IL1RAPL1: variants seen among roughly 807,000 people sequenced by gnomAD.
IL1RAPL1 encodes interleukin-1 receptor accessory protein-like 1.
A neutral mutation model predicts 48.4 loss-of-function variants in IL1RAPL1; 3 were observed. The ratio of observed to expected loss-of-function variants is 0.06; its 90% confidence interval spans 0.03 to 0.16. The LOEUF (loss-of-function observed/expected upper bound fraction) is 0.16. IL1RAPL1 is among the 10% of genes least tolerant of loss of function. The pLI is 1.00. For missense variants in IL1RAPL1, 349 were observed against 530.6 expected (o/e 0.66, Z 3.36); for synonymous variants, 185 against 187.7 (o/e 0.99, Z 0.12).
In IL1RAPL1 at chrX:29,617,990, G is replaced by A. The variant is rs551660415; in HGVS notation, c.704-50440G>A. On this transcript the variant is annotated intron_variant, in intron 5 of 10. Coordinates refer to ENST00000378993, the MANE Select transcript of IL1RAPL1 (RefSeq NM_014271.4). ...ACATAAAGATCCAATCTTTCTACCCGGAGCCTAGGAAGAGGCCTTCTTTTC... is the reference window on the plus strand; with the variant it reads ...ACATAAAGATCCAATCTTTCTACCCAGAGCCTAGGAAGAGGCCTTCTTTTC... Among the ~76,000 whole-genome samples the A allele has an allele frequency of 1.2e-4, 13 of 111,578 alleles. No homozygotes were observed. In the Middle Eastern group the frequency reaches 0.019, roughly 159 times the overall value.
rs1193461383 is a variant in IL1RAPL1, at chrX:29,802,775, ATATATATGTG to A, written c.779-114687_779-114678del. ...TATATATATATATATATATATATAT[ATATATATGTG>A]TGTGTGTATATATATATATATATAT... is the stretch of plus-strand genomic sequence containing the variant. On this transcript the variant is annotated intron_variant, in intron 6 of 10. Coordinates refer to ENST00000378993, the MANE Select transcript of IL1RAPL1 (RefSeq NM_014271.4). 2.6e-4 allele frequency among the ~76,000 whole-genome samples: 8 copies of A among 30,664 alleles called. 1 individual carries two copies. The highest frequency in any genetic ancestry group is 1.3e-3 in the African/African-American group (7 of 5,241). 26.6% of individuals were successfully genotyped at this position (30,664 alleles called of 115,157 possible).
At chrX:29,779,395 AT>A (rs1251293354) in intron 6 of IL1RAPL1, among the ~76,000 whole-genome samples, 1 of 111,363 alleles carries the variant, frequency 9.0e-6, no homozygotes, top group Non-Finnish European at 1.9e-5. Context: ...TTTAAAAGAG[AT>A]CATGCACATG....
intron 2 of IL1RAPL1, among the ~76,000 whole-genome samples, chrX:29,207,831 T>C (rs189939287): frequency 6.7e-4 from 75 of 112,280 alleles, no homozygotes; most frequent in African/African-American, 2.2e-3. Context: ...AAGACGTTAA[T>C]ATCAAAGCAA....
intron 2 of IL1RAPL1, among the ~76,000 whole-genome samples, chrX:28,982,149 T>G (rs979676949): frequency 1.8e-5 from 2 of 112,154 alleles, no homozygotes; most frequent in Non-Finnish European, 3.8e-5. Context: ...CTCTTTCAGT[T>G]TCATTGTTCT....
intron 2 of IL1RAPL1, among the ~76,000 whole-genome samples, chrX:29,154,307 AG>A (rs1929524683): frequency 9.0e-6 from 1 of 111,502 alleles, no homozygotes; most frequent in Non-Finnish European, 1.9e-5. Context: ...TGGGAGGCCG[AG>A]GCGGGTGGAT....
intron 5 of IL1RAPL1, among the ~76,000 whole-genome samples, chrX:29,618,773 G>C (rs1380309363): frequency 8.9e-6 from 1 of 111,736 alleles, no homozygotes; most frequent in Non-Finnish European, 1.9e-5. Flanking sequence ...ACAAATTCCA[G>C]GGATTAGGAT....
intron 2 of IL1RAPL1, among the ~76,000 whole-genome samples, chrX:28,959,201 A>T (rs199504291): frequency 9.7e-6 from 1 of 103,151 alleles, no homozygotes; most frequent in Non-Finnish European, 2.0e-5. Context: ...CATATTTCTT[A>T]TTTAAAATAA....
intron 3 of IL1RAPL1, among the ~76,000 whole-genome samples, chrX:29,392,990 C>A (rs1266355806): frequency 8.9e-6 from 1 of 112,035 alleles, no homozygotes; most frequent in African/African-American, 3.2e-5. Flanking sequence ...ATAATAAGAT[C>A]TAACGCTTAC....
chrX:28,828,553 A>G (rs1013266996), intron 2 of IL1RAPL1, among the ~76,000 whole-genome samples: 2 of 111,557 alleles, frequency 1.8e-5, no homozygotes, highest in African/African-American at 6.5e-5. Context: ...GTTGACTGGG[A>G]TTTCTATTAC....
At chrX:28,860,956 C>T (rs960618621) in intron 2 of IL1RAPL1, among the ~76,000 whole-genome samples, 1 of 110,931 alleles carries the variant, frequency 9.0e-6, no homozygotes, top group South Asian at 3.8e-4. Context: ...GTGTAAAAGA[C>T]TATCATATAA....
At chrX:28,833,778 T>C (rs767778118) in intron 2 of IL1RAPL1, among the ~76,000 whole-genome samples, 1 of 111,950 alleles carries the variant, frequency 8.9e-6, no homozygotes, top group South Asian at 3.7e-4. Context: ...TAAAAAGCAA[T>C]TGGGCCTTTT....
At chrX:29,672,958 T>A (rs1329391798) in intron 6 of IL1RAPL1, among the ~76,000 whole-genome samples, 1 of 112,135 alleles carries the variant, frequency 8.9e-6, no homozygotes, top group Non-Finnish European at 1.9e-5. Flanking sequence ...TTTTTAAACA[T>A]AGATCTTAGT....
In IL1RAPL1 at chrX:29,900,725, G is replaced by T. The variant is rs768919575; in HGVS notation, c.779-16739G>T. On this transcript the variant is annotated intron_variant, in intron 6 of 10. Coordinates refer to ENST00000378993, the MANE Select transcript of IL1RAPL1 (RefSeq NM_014271.4). Reference sequence around the variant, plus strand: ...CTTTGAACATGAGTATTGTGGGAAAGTATTAGGGGATTAGCAGGAGATAAA... The same window carrying T: ...CTTTGAACATGAGTATTGTGGGAAATTATTAGGGGATTAGCAGGAGATAAA... Among the ~76,000 whole-genome samples the T allele has an allele frequency of 6.3e-5, 7 of 111,722 alleles. No homozygotes were observed. The South Asian group carries it at 2.6e-3, about 42-fold the overall frequency.
rs192818419 is a variant in IL1RAPL1, at chrX:29,890,377, C to T, written c.779-27087C>T. Among the ~76,000 whole-genome samples the T allele has an allele frequency of 1.3e-4, 14 of 111,970 alleles. No individual in the cohort carries two copies. In the East Asian group the frequency reaches 3.3e-3, roughly 27 times the overall value. On this transcript the variant is annotated intron_variant, in intron 6 of 10. Transcript: ENST00000378993. ...GCCTAATCCCTCTCCTTTCTAATTACTCCCTAATTGTTTCTTAACCATGTG... is the reference window on the plus strand; with the variant it reads ...GCCTAATCCCTCTCCTTTCTAATTATTCCCTAATTGTTTCTTAACCATGTG...
At chrX:28,620,347 C>T (rs894132426) in intron 1 of IL1RAPL1, among the ~76,000 whole-genome samples, 1 of 111,799 alleles carries the variant, frequency 8.9e-6, no homozygotes, top group African/African-American at 3.3e-5. Flanking sequence ...ATGGGAATGC[C>T]TCTTGTCTCC....
chrX:29,189,674 T>C lies in IL1RAPL1; in HGVS notation c.83-93264T>C, dbSNP rs765370723. On this transcript the variant is annotated intron_variant, in intron 2 of 10. Coordinates refer to ENST00000378993, the MANE Select transcript of IL1RAPL1 (RefSeq NM_014271.4). ...TTATATATTTTCCTACCCAACTTTTTCCTAAAGCTTAGCACTAAAAGCTCA... is the reference window on the plus strand; with the variant it reads ...TTATATATTTTCCTACCCAACTTTTCCCTAAAGCTTAGCACTAAAAGCTCA... Among the ~76,000 whole-genome samples, 359 of 111,632 alleles carry C rather than the reference T, an allele frequency of 3.2e-3. 2 individuals are homozygous for C. The highest frequency in any genetic ancestry group is 5.7e-3 in the Non-Finnish European group (304 of 53,117).
At chrX:29,724,769 G>T (rs774276463) in intron 6 of IL1RAPL1, among the ~76,000 whole-genome samples, 1,477 of 111,633 alleles carry the variant, frequency 0.013, 69 homozygotes, top group Admixed American at 0.12. Context: ...AGAACCTACT[G>T]AATATGGTTG....
At chrX:29,886,227 C>T (rs188203788) in intron 6 of IL1RAPL1, among the ~76,000 whole-genome samples, 3 of 112,232 alleles carry the variant, frequency 2.7e-5, no homozygotes, top group Admixed American at 9.4e-5. Flanking sequence ...CAAAAGCAAG[C>T]GTTTTACATT....
At chrX:29,367,905 T>G (rs1011618527) in intron 3 of IL1RAPL1, among the ~76,000 whole-genome samples, 1 of 109,542 alleles carries the variant, frequency 9.1e-6, no homozygotes, top group East Asian at 2.8e-4. Context: ...GACTAAAAAT[T>G]TATATATATA....
Sources: gnomAD v4.1 joint callset for allele counts (sites outside exome capture counted in the v4.1 genomes callset) on GRCh38, gnomAD v4.1.1 for gene constraint, MANE v1.5 for transcripts, NCBI Gene and HGNC (gene_info 2026-07-23, HGNC 2026-07-21) for gene names.